ADCY10: variants seen among roughly 807,000 people sequenced by gnomAD.
ADCY10 encodes adenylate cyclase 10.
A neutral mutation model predicts 183.3 loss-of-function variants in ADCY10; 156 were observed. The ratio of observed to expected loss-of-function variants is 0.85; its 90% CI spans 0.75 to 0.97. The LOEUF is 0.97. Ranked by LOEUF, ADCY10 falls within the 50% of genes least tolerant of loss-of-function variation. ADCY10 has a pLI of 0.00. For synonymous variants in ADCY10, 645 were observed against 670.0 expected (o/e 0.96, Z 0.58); for missense variants, 1,745 against 1,934.3 (o/e 0.90, Z 1.84).
At chr1:167,875,020 T>C (rs754722281) in intron 13 of ADCY10, 111 bp downstream of exon 13, 23 of 928,154 alleles carry the variant, frequency 2.5e-5, no homozygotes, top group Non-Finnish European at 3.7e-5. Context: ...ATGATGATTA[T>C]ATTTTCATTT....
intron 23 of ADCY10, chr1:167,834,711 G>A (rs940194182): frequency 6.4e-6 from 1 of 156,620 alleles, no homozygotes; most frequent in Non-Finnish European, 1.4e-5. Context: ...GGTATGTGTG[G>A]GAGGCAAAAA....
At chr1:167,891,984 T>G (rs1289054018) in intron 8 of ADCY10, among the ~76,000 whole-genome samples, 11 of 151,838 alleles carry the variant, frequency 7.2e-5, no homozygotes, top group Admixed American at 7.2e-4. Context: ...TTCTTTTTTT[T>G]TTTTTTAGAG....
chr1:167,816,409 G>A (rs1662530728), intron 31 of ADCY10, among the ~76,000 whole-genome samples: 1 of 152,096 alleles, frequency 6.6e-6, no homozygotes, highest in African/African-American at 2.4e-5. Flanking sequence ...AGTCAGGCAT[G>A]TTGGCGGGCA....
At chr1:167,885,518 G>T (rs1276128192) in intron 8 of ADCY10, among the ~76,000 whole-genome samples, 2 of 152,114 alleles carry the variant, frequency 1.3e-5, no homozygotes, top group Non-Finnish European at 1.5e-5. Context: ...TTGTAGTTTT[G>T]ATTTTCATTT....
At chr1:167,856,891 T>C (rs907414885) in intron 16 of ADCY10, among the ~76,000 whole-genome samples, 12 of 152,230 alleles carry the variant, frequency 7.9e-5, no homozygotes, top group African/African-American at 2.9e-4. Context: ...GGCTAGGTGC[T>C]GAACAAAACT....
intron 30 of ADCY10, 200 bp from the exon 31 acceptor site, chr1:167,818,467 ATGACT>A (rs1279745321): frequency 3.0e-6 from 2 of 677,160 alleles, no homozygotes; most frequent in Admixed American, 4.0e-5. Flanking sequence ...AATTTTTTTG[ATGACT>A]TGAGATGAAT....
At chr1:167,894,187 C>T (rs370326943) in intron 7 of ADCY10, among the ~76,000 whole-genome samples, 3 of 152,164 alleles carry the variant, frequency 2.0e-5, no homozygotes, top group Non-Finnish European at 1.5e-5. Context: ...ACTGACATGA[C>T]GCTTTGGGAC....
chr1:167,900,052 A>T (rs1480805185), intron 5 of ADCY10, among the ~76,000 whole-genome samples: 1 of 152,206 alleles, frequency 6.6e-6, no homozygotes. Flanking sequence ...GGGTGGGGGA[A>T]AGGAAGTATG....
chr1:167,886,634 T>C (rs1465237681), intron 8 of ADCY10, among the ~76,000 whole-genome samples: 1 of 152,180 alleles, frequency 6.6e-6, no homozygotes, highest in Non-Finnish European at 1.5e-5. Context: ...TACATAGGCA[T>C]GGGCAAGGAC....
intron 8 of ADCY10, among the ~76,000 whole-genome samples, chr1:167,884,198 T>C (rs1668062820): frequency 6.6e-6 from 1 of 152,152 alleles, no homozygotes; most frequent in Non-Finnish European, 1.5e-5. Flanking sequence ...ACTGGGTAAT[T>C]TACAAGGAAA....
intron 30 of ADCY10, among the ~76,000 whole-genome samples, chr1:167,819,285 T>G (rs542010554): frequency 2.7e-5 from 4 of 145,804 alleles, no homozygotes; most frequent in Non-Finnish European, 6.0e-5. Flanking sequence ...AGTTTCACCC[T>G]TGTTGACCAG....
At chr1:167,864,206 T>A (rs1410576189) in intron 14 of ADCY10, among the ~76,000 whole-genome samples, 1 of 152,228 alleles carries the variant, frequency 6.6e-6, no homozygotes, top group Non-Finnish European at 1.5e-5. Context: ...TTCTTTGTTT[T>A]GTGGTGTGCA....
At chr1:167,841,483 G>A (rs865798443) in intron 21 of ADCY10, among the ~76,000 whole-genome samples, 6 of 132,090 alleles carry the variant, frequency 4.5e-5, no homozygotes, top group African/African-American at 1.3e-4. Context: ...GGGATTTATC[G>A]CTTATACTAT....
At chr1:167,898,607 T>TTA (rs1553195031) in intron 6 of ADCY10, among the ~76,000 whole-genome samples, 3 of 94,808 alleles carry the variant, frequency 3.2e-5, no homozygotes, top group Non-Finnish European at 7.1e-5. Flanking sequence ...TTTTTTTTTT[T>TTA]AAAAAAAGAA....
chr1:167,841,796 G>T (rs770840889), intron 21 of ADCY10, among the ~76,000 whole-genome samples: 5 of 152,164 alleles, frequency 3.3e-5, no homozygotes, highest in Non-Finnish European at 5.9e-5. Context: ...TTATGTTTTT[G>T]TTCTCCACTG....
chr1:167,867,080 C>G (rs542830056), intron 14 of ADCY10, among the ~76,000 whole-genome samples: 3 of 152,172 alleles, frequency 2.0e-5, no homozygotes, highest in Non-Finnish European at 2.9e-5. Context: ...CCCACATAAC[C>G]ATTGAAGTTT....
At chr1:167,848,561 T>TCA in intron 18 of ADCY10, 72 bp from the exon 19 acceptor site, 1 of 1,562,068 alleles carries the variant, frequency 6.4e-7, no homozygotes, top group Non-Finnish European at 8.8e-7. Context: ...TCCAATGAAC[T>TCA]TTGAGATGGA....
intron 12 of ADCY10, among the ~76,000 whole-genome samples, 177 bp from the exon 13 acceptor site, chr1:167,875,363 A>G (rs1443704695): frequency 6.6e-6 from 1 of 152,242 alleles, no homozygotes; most frequent in Non-Finnish European, 1.5e-5. Flanking sequence ...CTGACTTGGT[A>G]GTGGAGAATC....
chr1:167,824,053 G>C (rs1663096219), intron 28 of ADCY10, among the ~76,000 whole-genome samples: 1 of 152,230 alleles, frequency 6.6e-6, no homozygotes, highest in African/African-American at 2.4e-5. Flanking sequence ...TGGCGCAGTG[G>C]CTCATGCCTG....
Sources: gnomAD v4.1 joint callset for allele counts (sites outside exome capture counted in the v4.1 genomes callset) on GRCh38, gnomAD v4.1.1 for gene constraint, MANE v1.5 for transcripts, NCBI Gene and HGNC (gene_info 2026-07-23, HGNC 2026-07-21) for gene names.